XPR1: variants seen among roughly 807,000 people sequenced by gnomAD.
XPR1 encodes the protein solute carrier family 53 member 1.
A neutral mutation model predicts 87.5 loss-of-function variants in XPR1; 28 were observed. That is an observed-to-expected ratio of 0.32 (90% CI 0.24 to 0.44). The LOEUF (loss-of-function observed/expected upper bound fraction) is 0.44. Among genes scored for constraint, XPR1 ranks in the 20% least tolerant of loss-of-function variants. The pLI, the probability that XPR1 is intolerant of heterozygous loss-of-function variation, is 1.00. For synonymous variants in XPR1, 300 were observed against 306.1 expected, an observed-to-expected ratio of 0.98 and a Z score of 0.21; for missense variants, 559 against 862.3, an observed-to-expected ratio of 0.65 and a Z score of 4.41.
chr1:180,797,782 A>T (rs145770538), intron 3 of XPR1, among the ~76,000 whole-genome samples: 1 of 152,282 alleles, frequency 6.6e-6, no homozygotes, highest in Admixed American at 6.5e-5. Context: ...GTAGCTTCTA[A>T]GTCATTAGGA....
intron 2 of XPR1, among the ~76,000 whole-genome samples, chr1:180,702,905 C>T (rs1198624199): frequency 6.6e-6 from 1 of 152,192 alleles, no homozygotes; most frequent in African/African-American, 2.4e-5. Flanking sequence ...ATTTAACAGT[C>T]ACTTCTTCCA....
intron 1 of XPR1, among the ~76,000 whole-genome samples, chr1:180,655,054 G>C (rs956365866): frequency 6.6e-6 from 1 of 152,004 alleles, no homozygotes; most frequent in East Asian, 1.9e-4. Context: ...CACCAACAGT[G>C]CACAATTTCT....
At chr1:180,697,860 C>A (rs991314879) in intron 2 of XPR1, among the ~76,000 whole-genome samples, 6 of 151,952 alleles carry the variant, frequency 3.9e-5, no homozygotes, top group Non-Finnish European at 8.8e-5. Context: ...TGTTTTGTGG[C>A]CTAACATATG....
At chr1:180,725,917 C>G (rs1557975927) in intron 2 of XPR1, among the ~76,000 whole-genome samples, 1 of 152,164 alleles carries the variant, frequency 6.6e-6, no homozygotes, top group Non-Finnish European at 1.5e-5. Flanking sequence ...CTGATAGTAT[C>G]TACTTCAAAT....
chr1:180,774,699 G>A (rs888097479), intron 2 of XPR1, among the ~76,000 whole-genome samples: 3 of 151,800 alleles, frequency 2.0e-5, no homozygotes, highest in East Asian at 3.9e-4. Flanking sequence ...CAGCCACCAC[G>A]TCTGGCCTGT....
intron 1 of XPR1, among the ~76,000 whole-genome samples, chr1:180,665,942 C>T (rs1655945543): frequency 6.6e-6 from 1 of 152,148 alleles, no homozygotes; most frequent in Non-Finnish European, 1.5e-5. Context: ...TACCATCTTG[C>T]TCTGCCTCCC....
chr1:180,780,464 A>C (rs1648889872), intron 2 of XPR1, among the ~76,000 whole-genome samples: 1 of 152,180 alleles, frequency 6.6e-6, no homozygotes, highest in African/African-American at 2.4e-5. Flanking sequence ...CTTTGGAGAA[A>C]TGTCTATTCA....
chr1:180,659,719 A>G (rs1026035101), intron 1 of XPR1, among the ~76,000 whole-genome samples: 5 of 150,848 alleles, frequency 3.3e-5, no homozygotes, highest in African/African-American at 4.9e-5. Context: ...GGGTTTCACC[A>G]TCTTGGCCAG....
intron 2 of XPR1, among the ~76,000 whole-genome samples, chr1:180,730,501 T>A (rs1184543988): frequency 1.3e-5 from 2 of 152,090 alleles, no homozygotes; most frequent in Non-Finnish European, 2.9e-5. Context: ...TTAGAAGAGG[T>A]GTTAAGATTT....
At chr1:180,773,498 C>T (rs1033920078) in intron 2 of XPR1, among the ~76,000 whole-genome samples, 1 of 152,182 alleles carries the variant, frequency 6.6e-6, no homozygotes, top group Non-Finnish European at 1.5e-5. Flanking sequence ...CCTTTCCTTT[C>T]ACAATGGAAA....
intron 13 of XPR1, among the ~76,000 whole-genome samples, chr1:180,877,509 A>G (rs1652701633): frequency 6.6e-6 from 1 of 152,224 alleles, no homozygotes; most frequent in African/African-American, 2.4e-5. Flanking sequence ...CCTACTGTAT[A>G]CTGTGTGTGA....
At chr1:180,667,826 C>G (rs1474065167) in intron 1 of XPR1, among the ~76,000 whole-genome samples, 1 of 152,138 alleles carries the variant, frequency 6.6e-6, no homozygotes, top group Admixed American at 6.5e-5. Context: ...GTTTTACCTT[C>G]CTAGGAATTT....
At chr1:180,735,815 A>G (rs1199392239) in intron 2 of XPR1, among the ~76,000 whole-genome samples, 1 of 152,106 alleles carries the variant, frequency 6.6e-6, no homozygotes, top group Non-Finnish European at 1.5e-5. Context: ...TTATTTGTTG[A>G]CGGTCTTCTA....
At chr1:180,656,601 ATATGTATGTATAATATATTTTATATATG>A (rs1655531261) in intron 1 of XPR1, among the ~76,000 whole-genome samples, 1 of 72,080 alleles carries the variant, frequency 1.4e-5, no homozygotes, top group African/African-American at 5.0e-5. Context: ...TATATTTTAT[ATATGTATGTATAATATATTTTATATATG>A]TATGTATAAT....
At chr1:180,726,280 G>C (rs1658339364) in intron 2 of XPR1, among the ~76,000 whole-genome samples, 1 of 152,188 alleles carries the variant, frequency 6.6e-6, no homozygotes, top group Non-Finnish European at 1.5e-5. Flanking sequence ...ACAAATAAGG[G>C]AATAAAAGCT....
Position 180,884,229 on chromosome 1 carries a change from T to C in XPR1, c.*163T>C. ...TCCTATGGACTCCAAACAAGCTCAC[T>C]GTGTTTCTTTTCTTTTCTTCTGGTT... On this transcript the variant is annotated 3_prime_UTR_variant, in exon 15 of 15. Transcript: ENST00000367590. 1 of 506,872 alleles carries C rather than the reference T, an allele frequency of 2.0e-6. No homozygotes were observed. The allele number at this position is 506,872 out of a possible 1,614,324, so 31.4% of individuals were successfully genotyped here.
intron 1 of XPR1, among the ~76,000 whole-genome samples, chr1:180,657,517 G>A (rs908182501): frequency 3.3e-5 from 5 of 152,168 alleles, no homozygotes; most frequent in Admixed American, 2.6e-4. Context: ...GGTATATCCA[G>A]TTTTCCCAGT....
At chr1:180,717,722 T>G (rs911367485) in intron 2 of XPR1, among the ~76,000 whole-genome samples, 1 of 152,202 alleles carries the variant, frequency 6.6e-6, no homozygotes, top group Non-Finnish European at 1.5e-5. Context: ...ATTATGATAA[T>G]TGTCTTTATC....
intron 2 of XPR1, among the ~76,000 whole-genome samples, chr1:180,709,086 A>G (rs1419542694): frequency 6.6e-6 from 1 of 151,682 alleles, no homozygotes; most frequent in Admixed American, 6.6e-5. Context: ...TGATTTTTGT[A>G]TTTTTACTAG....
Sources: allele counts gnomAD v4.1 joint callset (sites outside exome capture counted in the v4.1 genomes callset), GRCh38; gene constraint gnomAD v4.1.1; transcripts MANE v1.5; gene names NCBI Gene and HGNC (gene_info 2026-07-23, HGNC 2026-07-21).